LMBRD2: variants seen among roughly 807,000 people sequenced by gnomAD.
The protein encoded by LMBRD2 is LMBR1 domain containing 2.
LMBRD2 carries 55 observed loss-of-function variants against 94.4 expected under a neutral mutation model. That is an observed-to-expected ratio of 0.58 (90% CI 0.47 to 0.73). LMBRD2 has a LOEUF of 0.73. LMBRD2 is among the 30% of genes least tolerant of loss of function. The pLI is 0.00. For synonymous variants in LMBRD2, 246 were observed against 272.4 expected (o/e 0.90, Z 0.95); for missense variants, 640 against 831.9 (o/e 0.77, Z 2.84).
At chr5:36,105,631 G>A (rs1286000536) in intron 16 of LMBRD2, among the ~76,000 whole-genome samples, 1 of 152,164 alleles carries the variant, frequency 6.6e-6, no homozygotes, top group Non-Finnish European at 1.5e-5. Context: ...TAAGGCAAGA[G>A]TATGGGTAGC....
At chr5:36,122,818 A>G in intron 8 of LMBRD2, 30 bp downstream of exon 8, 1 of 1,571,614 alleles carries the variant, frequency 6.4e-7, no homozygotes, top group Non-Finnish European at 8.6e-7. Flanking sequence ...AATCATCATT[A>G]AGTAAAATAC....
In LMBRD2 at chr5:36,122,983, T is replaced by C. The variant is rs1743924982; in HGVS notation, c.823-22A>G. On this transcript the variant is annotated intron_variant, in intron 7 of 17. Transcript: ENST00000296603. ...GGCACTAAAAAAAAAAAAAAGTAGA[T>C]TTTTAAAAATCTTAATTGTAAAAAG... 9.7e-6 allele frequency: 14 copies of C among 1,445,024 alleles called. No homozygotes were observed. In the East Asian group the frequency reaches 3.8e-4, roughly 40 times the overall value. 89.5% of individuals were successfully genotyped at this position (1,445,024 alleles called of 1,614,324 possible).
intron 4 of LMBRD2, among the ~76,000 whole-genome samples, chr5:36,140,321 T>A (rs182099698): frequency 2.3e-3 from 357 of 152,168 alleles, no homozygotes; most frequent in African/African-American, 8.1e-3. Context: ...CCCTCACCAC[T>A]CCATGCCTGG....
At position 36,139,030 on chromosome 5, in the gene LMBRD2, C is replaced by T. The variant is rs564413341; in HGVS notation, c.369-1589G>A. ...CTGGGAAGAGGTGGGAGCCCCACCCCCTTCCGAGTTGGCGGGGCAGGAGCC... is the reference window on the plus strand; with the variant it reads ...CTGGGAAGAGGTGGGAGCCCCACCCTCTTCCGAGTTGGCGGGGCAGGAGCC... On this transcript the variant is annotated intron_variant, in intron 4 of 17. Transcript: ENST00000296603. Among the ~76,000 whole-genome samples, 94 of 152,172 alleles carry T rather than the reference C, an allele frequency of 6.2e-4. 1 individual carries two copies. The highest frequency in any genetic ancestry group is 1.1e-3 in the Non-Finnish European group (74 of 68,028).
intron 6 of LMBRD2, among the ~76,000 whole-genome samples, chr5:36,125,381 A>G (rs1365829513): frequency 1.3e-5 from 2 of 152,220 alleles, no homozygotes; most frequent in African/African-American, 4.8e-5. Context: ...CATCTAGCAC[A>G]TAGACAAAAT....
At chr5:36,132,192 A>G (rs546373560) in intron 6 of LMBRD2, among the ~76,000 whole-genome samples, 65 of 152,250 alleles carry the variant, frequency 4.3e-4, no homozygotes, top group African/African-American at 1.5e-3. Flanking sequence ...GGCTCCTAGA[A>G]CATACAATGA....
rs771620188 is a variant in LMBRD2 at position 36,122,857 on chromosome 5, C to T, written c.927G>A (p.Leu309=). The T allele has an allele frequency of 1.9e-6, 3 of 1,593,044 alleles. No individual in the cohort carries two copies. The highest frequency in any genetic ancestry group is 1.7e-6 in the Non-Finnish European group (2 of 1,173,832). ...IYPSEKSLVK[L]HKQVIYSVQR... Reference sequence around the variant, plus strand: ...TAATTAACAAAGTTACCTGTTTATGCAGTTTTACCAGACTTTTTTCACTTG... The same window carrying T: ...TAATTAACAAAGTTACCTGTTTATGTAGTTTTACCAGACTTTTTTCACTTG... The change falls in exon 8 of 18, where the codon CTG becomes CTA. Residue 309 remains leucine (L), a synonymous_variant. Coordinates refer to ENST00000296603, the MANE Select transcript of LMBRD2 (RefSeq NM_001007527.2).
chr5:36,143,546 A>G (rs1319646484), intron 1 of LMBRD2, 140 bp from the exon 2 acceptor site: 4 of 400,170 alleles, frequency 1.0e-5, no homozygotes, highest in African/African-American at 2.1e-5. Context: ...GACTATGAAT[A>G]AGATTAAAAG....
At chr5:36,106,900 A>AT (rs1743486239) in intron 16 of LMBRD2, among the ~76,000 whole-genome samples, 1 of 151,864 alleles carries the variant, frequency 6.6e-6, no homozygotes, top group Admixed American at 6.6e-5. Flanking sequence ...AAAAACATGC[A>AT]TTTTCCCAAA....
At chr5:36,116,059 A>G (rs1270909278) in intron 11 of LMBRD2, among the ~76,000 whole-genome samples, 2 of 152,128 alleles carry the variant, frequency 1.3e-5, no homozygotes, top group Non-Finnish European at 2.9e-5. Flanking sequence ...ATCTCTCTAA[A>G]TCCTCTCTGA....
At chr5:36,141,083 A>T in intron 4 of LMBRD2, 24 bp downstream of exon 4, 1 of 1,401,614 alleles carries the variant, frequency 7.1e-7, no homozygotes, top group Non-Finnish European at 9.9e-7. Flanking sequence ...AATTTTAAAA[A>T]TTTTATCATT....
At chr5:36,140,597 A>G (rs570527891) in intron 4 of LMBRD2, among the ~76,000 whole-genome samples, 7 of 152,322 alleles carry the variant, frequency 4.6e-5, no homozygotes, top group Non-Finnish European at 1.0e-4. Flanking sequence ...AAGCTGAAAG[A>G]GCTGCCGTCT....
intron 6 of LMBRD2, among the ~76,000 whole-genome samples, chr5:36,131,646 C>T (rs911220111): frequency 6.6e-6 from 1 of 151,964 alleles, no homozygotes; most frequent in Non-Finnish European, 1.5e-5. Flanking sequence ...CTGCAGTACA[C>T]AAAATCAACA....
rs952418749 is a variant in LMBRD2, at chr5:36,102,527, T to C, written c.*1519A>G. ...AATTCAGAGTAAGTCTATCCACTGA[T>C]AATTATTTTAAAAGGGATCTAATTG... On this transcript the variant is annotated 3_prime_UTR_variant, in exon 18 of 18. Coordinates refer to ENST00000296603, the MANE Select transcript of LMBRD2 (RefSeq NM_001007527.2). The C allele has an allele frequency of 6.6e-6, 1 of 151,800 alleles. No homozygotes were observed. The highest frequency in any genetic ancestry group is 1.5e-5 in the Non-Finnish European group (1 of 67,788). The allele number at this position is 151,800 out of a possible 1,614,324, so 9.4% of individuals were successfully genotyped here. A position where few individuals can be genotyped will look rare whatever the true frequency, so the allele number is the denominator to read the frequency against.
At chr5:36,118,233 G>T (rs1032604689) in intron 9 of LMBRD2, among the ~76,000 whole-genome samples, 1 of 152,014 alleles carries the variant, frequency 6.6e-6, no homozygotes, top group Non-Finnish European at 1.5e-5. Context: ...ACAAAAAACT[G>T]GCCTATACTC....
chr5:36,125,558 A>G (rs1561517660), intron 6 of LMBRD2, among the ~76,000 whole-genome samples: 1 of 152,214 alleles, frequency 6.6e-6, no homozygotes, highest in Admixed American at 6.5e-5. Context: ...TTTAAAAATA[A>G]GAAGCTTTTT....
At chr5:36,115,279 A>T (rs1329509449) in intron 11 of LMBRD2, among the ~76,000 whole-genome samples, 159 bp from the exon 12 acceptor site, 3 of 152,184 alleles carry the variant, frequency 2.0e-5, no homozygotes, top group African/African-American at 7.2e-5. Context: ...ACCTGCCCTC[A>T]CTTACTTGGG....
chr5:36,121,018 A>AC (rs139721853), intron 9 of LMBRD2, among the ~76,000 whole-genome samples: 47,196 of 151,534 alleles, frequency 0.31, 8,142 homozygotes, highest in Non-Finnish European at 0.39. Flanking sequence ...TTTTATCCTG[A>AC]CCCCATGGTT....
intron 6 of LMBRD2, among the ~76,000 whole-genome samples, chr5:36,125,455 C>T: frequency 6.6e-6 from 1 of 152,048 alleles, no homozygotes. Context: ...TGAGCTCTTA[C>T]AAATCAACAG....
Sources: allele counts gnomAD v4.1 joint callset (sites outside exome capture counted in the v4.1 genomes callset), GRCh38; gene constraint gnomAD v4.1.1; transcripts MANE v1.5; gene names NCBI Gene and HGNC (gene_info 2026-07-23, HGNC 2026-07-21).